The following THSD4 variants were observed in gnomAD, a reference collection of about 807,000 sequenced individuals.
THSD4 encodes the protein thrombospondin type-1 domain-containing protein 4.
Under a neutral mutation model 119.0 loss-of-function variants are expected in THSD4, and 69 were observed. That is an observed-to-expected ratio of 0.58 (90% CI 0.48 to 0.71). THSD4 has a LOEUF of 0.71. Among genes scored for constraint, THSD4 ranks in the 30% least tolerant of loss-of-function variants. The pLI, the probability that THSD4 is intolerant of heterozygous loss-of-function variation, is 0.00. For synonymous variants in THSD4, 524 were observed against 540.4 expected (o/e 0.97, Z 0.42); for missense variants, 1,393 against 1,391.1 (o/e 1.00, Z -0.02).
chr15:71,284,615 C>T (rs996021379), intron 6 of THSD4, among the ~76,000 whole-genome samples: 5 of 152,188 alleles, frequency 3.3e-5, no homozygotes, highest in Non-Finnish European at 5.9e-5. Context: ...CTTGTCTTCA[C>T]ATGTAAATAA....
At chr15:71,709,357 G>GA (rs373322880) in intron 8 of THSD4, among the ~76,000 whole-genome samples, 113 of 152,094 alleles carry the variant, frequency 7.4e-4, no homozygotes, top group South Asian at 1.7e-3. Context: ...GCACCTGTGT[G>GA]AAAAAAAATC....
chr15:71,465,759 A>T (rs746673964), intron 7 of THSD4, among the ~76,000 whole-genome samples: 5 of 152,212 alleles, frequency 3.3e-5, no homozygotes, highest in African/African-American at 1.2e-4. Flanking sequence ...TTTGTAAAGC[A>T]TGCAATATCA....
Position 71,105,615 on chromosome 15 carries a change from G to A in THSD4, c.-80+8609G>A, listed in dbSNP as rs572909053. Among the ~76,000 whole-genome samples the A allele has an allele frequency of 3.3e-5, 5 of 152,296 alleles. No homozygotes were observed. In the East Asian group the frequency reaches 9.6e-4, roughly 29 times the overall value. ...ATAAGAAAGGACACCTCATGACTGAGGAAATTCCAAGGGTTTTAGATTCTC... is the reference window on the plus strand; with the variant it reads ...ATAAGAAAGGACACCTCATGACTGAAGAAATTCCAAGGGTTTTAGATTCTC... On this transcript the variant is annotated intron_variant, in intron 1 of 17. Coordinates refer to the THSD4 transcript ENST00000355327.
intron 10 of THSD4, chr15:71,732,561 C>T (rs974559848): frequency 7.9e-5 from 12 of 152,184 alleles, no homozygotes; most frequent in Non-Finnish European, 1.5e-4. Context: ...TGAGTCCTTG[C>T]TGTGTGCAAG....
chr15:71,782,400 G>A lies in THSD4; in HGVS notation c.*5026G>A, dbSNP rs1445068553. On this transcript the variant is annotated 3_prime_UTR_variant, in exon 18 of 18. Coordinates refer to ENST00000261862, the MANE Select transcript of THSD4 (RefSeq NM_024817.3). Reference sequence around the variant, plus strand: ...TTGACCCCTTCCCCACGACTCAGTTGACAGAAGGATATACTTTGTTATAAC... The same window carrying A: ...TTGACCCCTTCCCCACGACTCAGTTAACAGAAGGATATACTTTGTTATAAC... 3 of 152,202 alleles carry A rather than the reference G, an allele frequency of 2.0e-5. No individual in the cohort carries two copies. The highest frequency in any genetic ancestry group is 2.9e-5 in the Non-Finnish European group (2 of 68,072). 9.4% of individuals were successfully genotyped at this position (152,202 alleles called of 1,614,324 possible).
In THSD4 at chr15:71,690,787, A is replaced by G. The variant is rs546206513; in HGVS notation, c.1357+30053A>G. The stretch of plus-strand genomic sequence containing the variant: ...AAACTCCTCCTTATAAAACCATCAG[A>G]TCTTGTGAGACTTATTCACTGTCAT... On this transcript the variant is annotated intron_variant, in intron 8 of 17. Coordinates refer to ENST00000261862, the MANE Select transcript of THSD4 (RefSeq NM_024817.3). Among the ~76,000 whole-genome samples, 3 of 152,334 alleles carry G rather than the reference A, an allele frequency of 2.0e-5. No individual in the cohort carries two copies. The East Asian group carries it at 5.8e-4, about 29-fold the overall frequency.
chr15:71,293,093 T>C (rs549992338), intron 6 of THSD4, among the ~76,000 whole-genome samples: 3 of 152,228 alleles, frequency 2.0e-5, no homozygotes, highest in Non-Finnish European at 4.4e-5. Context: ...CCCAGATGGC[T>C]GTCAGCTTTT....
At chr15:71,173,858 G>T (rs1006527907) in intron 3 of THSD4, among the ~76,000 whole-genome samples, 10 of 152,048 alleles carry the variant, frequency 6.6e-5, no homozygotes, top group Non-Finnish European at 1.3e-4. Flanking sequence ...TTAAACCCTA[G>T]AATATATGAT....
chr15:71,542,844 T>A (rs2048778607), intron 7 of THSD4, among the ~76,000 whole-genome samples: 1 of 149,462 alleles, frequency 6.7e-6, no homozygotes, highest in African/African-American at 2.5e-5. Context: ...GCCACTGCAC[T>A]CCAGCCTGGG....
chr15:71,434,434 C>CTTTTTTTTT (rs34097873), intron 7 of THSD4, among the ~76,000 whole-genome samples: 2 of 82,586 alleles, frequency 2.4e-5, no homozygotes, highest in Non-Finnish European at 2.2e-5. Flanking sequence ...TCAGTGGTCC[C>CTTTTTTTTT]TTTTTTTTTT....
chr15:71,468,007 C>G (rs1014566258), intron 7 of THSD4, among the ~76,000 whole-genome samples: 1 of 152,062 alleles, frequency 6.6e-6, no homozygotes, highest in Non-Finnish European at 1.5e-5. Context: ...TGTCACCAAG[C>G]CTGGCTAATT....
intron 11 of THSD4, among the ~76,000 whole-genome samples, chr15:71,741,630 GCATGCACAGGACC>G (rs2053236835): frequency 6.6e-6 from 1 of 152,020 alleles, no homozygotes; most frequent in Non-Finnish European, 1.5e-5. Context: ...ATGGGACTGA[GCATGCACAGGACC>G]CATTTTCAAT....
At chr15:71,462,765 T>A (rs1374607619) in intron 7 of THSD4, among the ~76,000 whole-genome samples, 2 of 152,246 alleles carry the variant, frequency 1.3e-5, no homozygotes, top group Non-Finnish European at 2.9e-5. Flanking sequence ...CAGCCTTCTC[T>A]TTAAAGTACA....
At position 71,777,312 on chromosome 15, in the gene THSD4, G is replaced by A. The variant is rs757453226; in HGVS notation, c.2995G>A (p.Ala999Thr). Residue 999 changes from alanine to threonine, a missense_variant, in exon 18 of 18, where the codon GCC (alanine) becomes ACC (threonine). Transcript: ENST00000261862. ...RLCVYNYYKTACCASCTRVAN... is the reference protein window; with the variant it reads ...RLCVYNYYKTTCCASCTRVAN... Reference sequence around the variant, plus strand: ...CTGTGTCTACAACTACTACAAGACCGCCTGCTGTGCCTCCTGCACCCGTGT... The same window carrying A: ...CTGTGTCTACAACTACTACAAGACCACCTGCTGTGCCTCCTGCACCCGTGT... 1.2e-5 allele frequency: 20 copies of A among 1,614,100 alleles called. No homozygotes were observed. The highest frequency in any genetic ancestry group is 8.3e-5 in the Admixed American group (5 of 60,012).
At chr15:71,239,061 A>G (rs2044130474) in intron 4 of THSD4, among the ~76,000 whole-genome samples, 1 of 152,216 alleles carries the variant, frequency 6.6e-6, no homozygotes, top group African/African-American at 2.4e-5. Context: ...TGGTAGAGCT[A>G]TTAAATAGCC....
chr15:71,195,751 G>A (rs1403502914), intron 3 of THSD4, among the ~76,000 whole-genome samples: 1 of 152,110 alleles, frequency 6.6e-6, no homozygotes, highest in East Asian at 1.9e-4. Context: ...TGGGGTTGGG[G>A]GAAAGACTGG....
intron 7 of THSD4, among the ~76,000 whole-genome samples, chr15:71,549,048 G>A (rs2048885755): frequency 6.6e-6 from 1 of 152,242 alleles, no homozygotes; most frequent in African/African-American, 2.4e-5. Context: ...GTCACATGCA[G>A]AGTGGCAAAT....
At chr15:71,198,126 T>G (rs1029489874) in intron 3 of THSD4, among the ~76,000 whole-genome samples, 29 of 152,196 alleles carry the variant, frequency 1.9e-4, no homozygotes, top group African/African-American at 7.0e-4. Context: ...CCAGGCATGG[T>G]GCCATGAACC....
chr15:71,258,939 C>G (rs979510498), intron 6 of THSD4, among the ~76,000 whole-genome samples: 1 of 151,694 alleles, frequency 6.6e-6, no homozygotes, highest in Non-Finnish European at 1.5e-5. Context: ...CATGGAGAAC[C>G]CCGTCTCTGC....
Sources: gnomAD v4.1 joint callset for allele counts (sites outside exome capture counted in the v4.1 genomes callset) on GRCh38, gnomAD v4.1.1 for gene constraint, MANE v1.5 for transcripts, NCBI Gene and HGNC (gene_info 2026-07-23, HGNC 2026-07-21) for gene names.